The following DLGAP3 variants were observed in gnomAD, a reference collection of about 807,000 sequenced individuals.
DLGAP3 encodes DLG associated protein 3, also known as disks large-associated protein 3.
A neutral mutation model predicts 81.2 loss-of-function variants in DLGAP3; 17 were observed. The observed-to-expected ratio is 0.21, with a 90% CI of 0.14 to 0.31. The LOEUF (loss-of-function observed/expected upper bound fraction) is 0.31. Ranked by LOEUF, DLGAP3 falls within the 10% of genes least tolerant of loss-of-function variation. DLGAP3 has a pLI of 1.00. For missense variants in DLGAP3, 1,124 were observed against 1,388.0 expected (o/e 0.81, Z 3.02); for synonymous variants, 577 against 587.4 (o/e 0.98, Z 0.26).
Position 34,900,488 on chromosome 1 carries a change from A to C in DLGAP3, c.1108-215T>G, listed in dbSNP as rs181180774. 6.6e-6 allele frequency among the ~76,000 whole-genome samples: 1 copy of C among 152,190 alleles called. No homozygotes were observed. Among genetic ancestry groups the C allele is most frequent in the Non-Finnish European group, 1.5e-5 (1 of 68,032 alleles). ...TCCACAGACCTTCTGCACTTAATTAAGGGCCACCTAGAGAGTCTGAGGGAG... is the reference window on the plus strand; with the variant it reads ...TCCACAGACCTTCTGCACTTAATTACGGGCCACCTAGAGAGTCTGAGGGAG... On this transcript the variant is annotated intron_variant, in intron 3 of 11. Coordinates refer to ENST00000373347, the MANE Select transcript of DLGAP3 (RefSeq NM_001080418.3). This position sits in a 1 kb window ranked among gnomAD's most constrained non-coding sequence, Gnocchi z 5.6.
rs149305746 is a variant in DLGAP3, at chr1:34,927,980, A to G, written c.-135+1471T>C. Among the ~76,000 whole-genome samples the G allele has an allele frequency of 2.3e-3, 347 of 152,218 alleles. 3 individuals are homozygous for G. The East Asian group carries it at 0.028, about 12-fold the overall frequency. ...GTAAATCGGCATTATATTTGGTTGA[A>G]CCATATGAAATTGCTGTTTTTGTAG... On this transcript the variant is annotated intron_variant, in intron 1 of 11. Coordinates refer to ENST00000373347, the MANE Select transcript of DLGAP3 (RefSeq NM_001080418.3).
At chr1:34,917,491 G>T (rs1460536502) in intron 1 of DLGAP3, among the ~76,000 whole-genome samples, 1 of 151,804 alleles carries the variant, frequency 6.6e-6, no homozygotes, top group Non-Finnish European at 1.5e-5. Context: ...GGGACTACAG[G>T]GATGTACCAC....
At chr1:34,908,224 A>T (rs1227271517) in intron 1 of DLGAP3, among the ~76,000 whole-genome samples, 1 of 152,212 alleles carries the variant, frequency 6.6e-6, no homozygotes, top group Non-Finnish European at 1.5e-5. Context: ...AACACTCACT[A>T]AGTAGATGAA....
In DLGAP3 at chr1:34,885,534, C is replaced by G. The variant is rs757589277; in HGVS notation, c.1858G>C (p.Glu620Gln). 1.2e-6 allele frequency: 2 copies of G among 1,608,986 alleles called. No individual in the cohort carries two copies. The highest frequency in any genetic ancestry group is 2.7e-5 in the African/African-American group (2 of 74,946). The part of the protein sequence containing the change: ...TLIIKTIPGR[E>Q]ELRSLARQRK... ...TGCCGCGCCAGGCTCCGCAGCTCCT[C>G]CCTGCCAGGGATGGTCTTGATGATG... Residue 620 changes from glutamate (E) to glutamine (Q), a missense_variant, in exon 7 of 12, where the codon GAG becomes CAG. Around this residue, in one of 9 missense-constraint regions of DLGAP3, gnomAD observed 379 missense variants for 455.7 expected, o/e 0.83. Coordinates refer to ENST00000373347, the MANE Select transcript of DLGAP3 (RefSeq NM_001080418.3).
intron 1 of DLGAP3, among the ~76,000 whole-genome samples, chr1:34,913,458 G>A (rs1569658495): frequency 6.6e-6 from 1 of 152,276 alleles, no homozygotes; most frequent in South Asian, 2.1e-4. Context: ...CCTCGGAAGA[G>A]ACAGAGAGGC....
At chr1:34,911,749 G>C (rs553434598) in intron 1 of DLGAP3, among the ~76,000 whole-genome samples, 3 of 152,158 alleles carry the variant, frequency 2.0e-5, no homozygotes, top group African/African-American at 7.2e-5. Flanking sequence ...AGGCTGGCAG[G>C]GTTGTTGTTA....
At chr1:34,911,022 A>ACCCCCCCCCCCCCCCCC (rs58074971) in intron 1 of DLGAP3, among the ~76,000 whole-genome samples, 1 of 131,952 alleles carries the variant, frequency 7.6e-6, no homozygotes, top group Non-Finnish European at 1.6e-5. Flanking sequence ...GATATTATCC[A>ACCCCCCCCCCCCCCCCC]CCCCCCCCCC....
At chr1:34,891,308 C>T (rs1168657465) in intron 5 of DLGAP3, among the ~76,000 whole-genome samples, 1 of 152,224 alleles carries the variant, frequency 6.6e-6, no homozygotes, top group African/African-American at 2.4e-5. Flanking sequence ...GCTTCACTGC[C>T]TCTGCCAGAG....
chr1:34,910,604 G>A (rs139326379), intron 1 of DLGAP3, among the ~76,000 whole-genome samples: 1 of 152,194 alleles, frequency 6.6e-6, no homozygotes, highest in East Asian at 1.9e-4. Context: ...CACATCACGG[G>A]GCCTATTCCC....
At chr1:34,901,549 G>C (rs1639460511) in intron 3 of DLGAP3, among the ~76,000 whole-genome samples, 1 of 152,346 alleles carries the variant, frequency 6.6e-6, no homozygotes, top group African/African-American at 2.4e-5. Flanking sequence ...TTGTCTGCGA[G>C]TTGGTCATGA....
chr1:34,905,446 G>A lies in DLGAP3; in HGVS notation c.-51-12C>T, dbSNP rs747179861. 12 of 1,493,200 alleles carry A rather than the reference G, an allele frequency of 8.0e-6. No homozygotes were observed. Among genetic ancestry groups the A allele is most frequent in the Non-Finnish European group, 1.1e-5 (12 of 1,114,814 alleles). The allele number at this position is 1,493,200 out of a possible 1,614,324, so 92.5% of individuals were successfully genotyped here. ...GCCCCAGGAACCTCCTGGAAAAATA[G>A]GGAGAAAAGGTATTTGAATTGAACA... On this transcript the variant is annotated splice_polypyrimidine_tract_variant and intron_variant, in intron 2 of 11. Coordinates refer to ENST00000373347, the MANE Select transcript of DLGAP3 (RefSeq NM_001080418.3).
Position 34,865,641 on chromosome 1 carries a change from G to C in DLGAP3, c.*442C>G. 3.7e-6 allele frequency: 1 copy of C among 270,318 alleles called. No homozygotes were observed. The highest frequency in any genetic ancestry group is 3.1e-5 in the South Asian group (1 of 32,326). The allele number at this position is 270,318 out of a possible 1,614,324, so 16.7% of individuals were successfully genotyped here. A position where few individuals can be genotyped will look rare whatever the true frequency, so the allele number is the denominator to read the frequency against. ...GAGGATGGAGCCCCTGGGAGGGTGG[G>C]GCGGGCTCCTAGGCAGGGTTCGGGA... is the stretch of plus-strand genomic sequence containing the variant. On this transcript the variant is annotated 3_prime_UTR_variant, in exon 12 of 12. Transcript: ENST00000373347.
intron 8 of DLGAP3, among the ~76,000 whole-genome samples, chr1:34,869,648 C>G (rs186412029): frequency 3.5e-4 from 53 of 152,188 alleles, no homozygotes; most frequent in African/African-American, 1.2e-3. Context: ...CGCCTTTTGT[C>G]TCTTTTTGGA....
In DLGAP3 at chr1:34,929,205, G is replaced by C. The variant is rs1391626054; in HGVS notation, c.-135+246C>G. On this transcript the variant is annotated intron_variant, in intron 1 of 11. Transcript: ENST00000373347. This position sits in a 1 kb window ranked among gnomAD's most constrained non-coding sequence, Gnocchi z 6.5. ...CTGGCCTGTCCCCGCGGCCCTGACC[G>C]GGAGCGTGGGTCCGCGGTCCGCGTG... 4.0e-5 allele frequency among the ~76,000 whole-genome samples: 6 copies of C among 151,646 alleles called. No individual in the cohort carries two copies. The highest frequency in any genetic ancestry group is 8.9e-5 in the Non-Finnish European group (6 of 67,702).
Position 34,905,338 on chromosome 1 carries a change from G to A in DLGAP3, c.46C>T (p.Arg16Cys), listed in dbSNP as rs1475881067. Residue 16 changes from arginine to cysteine, a missense_variant, in exon 3 of 12, where the codon CGC (arginine) becomes TGC (cysteine). Transcript: ENST00000373347. ...GDRGSHPRPA[R>C]FADQQHMDVG... ...TCCATATGCTGTTGGTCAGCAAAGC[G>A]GGCTGGGCGGGGATGGCTGCCTCGG... 10 of 1,558,322 alleles carry A rather than the reference G, an allele frequency of 6.4e-6. No individual in the cohort carries two copies. Among genetic ancestry groups the A allele is most frequent in the Admixed American group, 1.9e-5 (1 of 51,902 alleles).
At chr1:34,872,473 G>A (rs563730741) in intron 8 of DLGAP3, among the ~76,000 whole-genome samples, 1 of 152,204 alleles carries the variant, frequency 6.6e-6, no homozygotes, top group Non-Finnish European at 1.5e-5. Flanking sequence ...CTTCTTGCTT[G>A]CTGTATCCCA....
In DLGAP3 at chr1:34,885,460, C is replaced by T. The variant is rs1306517335; in HGVS notation, c.1914+18G>A. The T allele has an allele frequency of 1.2e-6, 2 of 1,604,078 alleles. No homozygotes were observed. The highest frequency in any genetic ancestry group is 8.5e-7 in the Non-Finnish European group (1 of 1,179,354). On this transcript the variant is annotated intron_variant, in intron 7 of 11. Coordinates refer to ENST00000373347, the MANE Select transcript of DLGAP3 (RefSeq NM_001080418.3). Reference sequence around the variant, plus strand: ...CGACCAGGGTCAGAGCCCTCGTGGGCGCCTCCCCGTTCCATACCTGCACCC... The same window carrying T: ...CGACCAGGGTCAGAGCCCTCGTGGGTGCCTCCCCGTTCCATACCTGCACCC...
intron 4 of DLGAP3, 35 bp from the exon 5 acceptor site, chr1:34,899,776 G>C: frequency 6.3e-7 from 1 of 1,594,330 alleles, no homozygotes; most frequent in South Asian, 1.1e-5. Flanking sequence ...TCAGAACAGT[G>C]GACTGCTAGG....
At chr1:34,869,157 CA>C (rs766701735) in intron 8 of DLGAP3, 68 bp from the exon 9 acceptor site, 200 of 1,162,872 alleles carry the variant, frequency 1.7e-4, no homozygotes, top group South Asian at 2.4e-4. Flanking sequence ...CCACCCCAAG[CA>C]AAAAAAAGGA....
Sources: gnomAD v4.1 joint callset for allele counts (sites outside exome capture counted in the v4.1 genomes callset) on GRCh38, gnomAD v4.1.1 for gene constraint, gnomAD v4.1.1 regional missense constraint, Gnocchi (gnomAD v3.1) non-coding constraint, MANE v1.5 for transcripts, NCBI Gene and HGNC (gene_info 2026-07-23, HGNC 2026-07-21) for gene names.